Variants in FREM1 observed in about 807,000 individuals in gnomAD.
FREM1 encodes FRAS1-related extracellular matrix protein 1.
In FREM1, 220 loss-of-function variants were observed where a neutral mutation model predicts 210.1. That is an observed-to-expected ratio of 1.05 (90% confidence interval 0.94 to 1.17). The LOEUF (loss-of-function observed/expected upper bound fraction) is 1.17. Among genes scored for constraint, FREM1 ranks in the 50% most tolerant of loss-of-function variants. The pLI, the probability that FREM1 is intolerant of heterozygous loss-of-function variation, is 0.00. For synonymous variants in FREM1, 1,189 were observed against 980.2 expected (o/e 1.21, Z -3.98); for missense variants, 3,454 against 2,675.5 (o/e 1.29, Z -6.42).
intron 5 of FREM1, 128 bp from the exon 6 acceptor site, chr9:14,851,735 A>T (rs1285016400): frequency 7.7e-6 from 6 of 781,506 alleles, no homozygotes; most frequent in Admixed American, 5.9e-5. Context: ...GCCTGGCTGC[A>T]TATTGGAATC....
intron 16 of FREM1, among the ~76,000 whole-genome samples, chr9:14,811,519 G>C (rs1165303030): frequency 1.3e-5 from 2 of 152,064 alleles, no homozygotes; most frequent in Non-Finnish European, 2.9e-5. Context: ...ACTCCTGAGG[G>C]ACATCAAACA....
intron 2 of FREM1, among the ~76,000 whole-genome samples, chr9:14,866,436 G>C (rs1467937615): frequency 1.3e-5 from 2 of 152,168 alleles, no homozygotes; most frequent in African/African-American, 4.8e-5. Flanking sequence ...ACGGTAAGGA[G>C]TCATAGGCCA....
chr9:14,750,960 A>G (rs1042183010), intron 29 of FREM1, among the ~76,000 whole-genome samples: 6 of 152,198 alleles, frequency 3.9e-5, no homozygotes, highest in Non-Finnish European at 7.4e-5. Context: ...TTAATATTAT[A>G]CAAAACAGTT....
At chr9:14,781,350 G>A (rs942052081) in intron 24 of FREM1, among the ~76,000 whole-genome samples, 2 of 152,140 alleles carry the variant, frequency 1.3e-5, no homozygotes, top group Non-Finnish European at 2.9e-5. Flanking sequence ...ATGCTTTTCA[G>A]CCTTTATTGT....
intron 5 of FREM1, among the ~76,000 whole-genome samples, chr9:14,856,949 C>A (rs1239759263): frequency 6.6e-6 from 1 of 151,838 alleles, no homozygotes; most frequent in African/African-American, 2.4e-5. Flanking sequence ...TTAAATATTT[C>A]AAATAAATGG....
chr9:14,823,742 G>A (rs73642425), intron 12 of FREM1, among the ~76,000 whole-genome samples: 3 of 152,122 alleles, frequency 2.0e-5, no homozygotes, highest in South Asian at 2.1e-4. Context: ...GAATAAAAAC[G>A]TATACACCAG....
intron 5 of FREM1, among the ~76,000 whole-genome samples, chr9:14,857,098 G>C (rs79869908): frequency 0.024 from 3,645 of 152,220 alleles, 139 homozygotes; most frequent in African/African-American, 0.081. Context: ...AAGCCTGGAA[G>C]AGTGACAAAT....
Position 14,750,338 on chromosome 9 carries a change from G to C in FREM1, c.5408-62C>G, listed in dbSNP as rs1196586438. 2.3e-6 allele frequency: 3 copies of C among 1,321,476 alleles called. No individual in the cohort carries two copies. The East Asian group carries it at 7.0e-5, about 31-fold the overall frequency. The allele number at this position is 1,321,476 out of a possible 1,614,324, so 81.9% of individuals were successfully genotyped here. The stretch of plus-strand genomic sequence containing the variant: ...CTATTTCAATCACCTAGGTGTCAGA[G>C]AAATATATTAATTAACATGTCTACA... On this transcript the variant is annotated intron_variant, in intron 29 of 36. Transcript: ENST00000380880.
chr9:14,875,924 G>T (rs1050678807), intron 1 of FREM1, among the ~76,000 whole-genome samples: 19 of 152,192 alleles, frequency 1.2e-4, no homozygotes, highest in African/African-American at 4.3e-4. Flanking sequence ...GTCTGCTGGA[G>T]TTTGCTAGAG....
In FREM1 at chr9:14,769,738, C is replaced by T. The variant is rs776353619; in HGVS notation, c.5190G>A (p.Ser1730=). Reference sequence around the variant, plus strand: ...AGAGAATTTACATTTGAGGAGTGGCCGAGTTCCCTGTGGGGTCCATGATTT... The same window carrying T: ...AGAGAATTTACATTTGAGGAGTGGCTGAGTTCCCTGTGGGGTCCATGATTT... ...EFQIMDPTGN[S]ATPQILELKW... is the part of the protein sequence containing the mutation. The change falls in exon 27 of 37, where the codon TCG becomes TCA. Residue 1730 remains serine, a synonymous_variant. Coordinates refer to ENST00000380880, the MANE Select transcript of FREM1 (RefSeq NM_001379081.2). 24 of 1,612,048 alleles carry T rather than the reference C, an allele frequency of 1.5e-5. No homozygotes were observed. Among genetic ancestry groups the T allele is most frequent in the African/African-American group, 8.0e-5 (6 of 74,792 alleles).
intron 36 of FREM1, among the ~76,000 whole-genome samples, chr9:14,739,485 ATATATATTC>A (rs1841097229): frequency 6.9e-6 from 1 of 145,552 alleles, no homozygotes; most frequent in African/African-American, 2.5e-5. Context: ...TAATTCATAT[ATATATATTC>A]ATATATATAT....
intron 16 of FREM1, among the ~76,000 whole-genome samples, chr9:14,810,159 A>G (rs1291082105): frequency 6.6e-6 from 1 of 152,056 alleles, no homozygotes. Context: ...AAGGTAGAAC[A>G]TTGGGACAGA....
intron 7 of FREM1, among the ~76,000 whole-genome samples, chr9:14,848,053 T>A (rs1827008601): frequency 6.6e-6 from 1 of 152,216 alleles, no homozygotes; most frequent in Non-Finnish European, 1.5e-5. Context: ...ACACAGATAT[T>A]TTTTCCTTAA....
chr9:14,837,589 T>C, intron 10 of FREM1, among the ~76,000 whole-genome samples: 1 of 152,310 alleles, frequency 6.6e-6, no homozygotes, highest in East Asian at 1.9e-4. Context: ...AATGGTCTCT[T>C]TGAAGGCACA....
At chr9:14,845,592 A>T (rs1826464739) in intron 8 of FREM1, among the ~76,000 whole-genome samples, 1 of 152,248 alleles carries the variant, frequency 6.6e-6, no homozygotes, top group South Asian at 2.1e-4. Context: ...GGCGTGAGCC[A>T]CTGCGCTCGG....
intron 3 of FREM1, among the ~76,000 whole-genome samples, chr9:14,862,813 C>T (rs996948781): frequency 1.3e-5 from 2 of 152,150 alleles, no homozygotes; most frequent in African/African-American, 4.8e-5. Flanking sequence ...TTTATCAGTG[C>T]TTCGTTGTTT....
At chr9:14,863,733 A>T in intron 3 of FREM1, 76 bp downstream of exon 3, 1 of 839,538 alleles carries the variant, frequency 1.2e-6, no homozygotes, top group Non-Finnish European at 2.0e-6. Flanking sequence ...GACAATACAT[A>T]TCCACAAGAA....
intron 36 of FREM1, 76 bp from the exon 37 acceptor site, chr9:14,737,671 A>G: frequency 8.3e-7 from 1 of 1,202,632 alleles, no homozygotes; most frequent in Non-Finnish European, 1.1e-6. Flanking sequence ...CTGTTGCTCT[A>G]AGCTCAGTTA....
At chr9:14,750,472 G>GT (rs1227596299) in intron 29 of FREM1, among the ~76,000 whole-genome samples, 196 bp from the exon 30 acceptor site, 3 of 152,082 alleles carry the variant, frequency 2.0e-5, no homozygotes, top group Non-Finnish European at 2.9e-5. Flanking sequence ...GGACGATGAT[G>GT]TTTCCGTTTA....
Sources: allele counts gnomAD v4.1 joint callset (sites outside exome capture counted in the v4.1 genomes callset), GRCh38; gene constraint gnomAD v4.1.1; transcripts MANE v1.5; gene names NCBI Gene and HGNC (gene_info 2026-07-23, HGNC 2026-07-21).